Variants in MLLT10 observed in about 807,000 individuals in gnomAD.
MLLT10 encodes MLLT10 histone lysine methyltransferase DOT1L cofactor, also known as protein AF-10.
Under a neutral mutation model 129.1 loss-of-function variants are expected in MLLT10, and 30 were observed. The observed-to-expected ratio is 0.23, with a 90% CI of 0.17 to 0.32. The LOEUF (loss-of-function observed/expected upper bound fraction) is 0.32, where lower values mean the gene tolerates loss of function less well. Ranked by LOEUF, MLLT10 falls within the 10% of genes least tolerant of loss-of-function variation. The pLI is 1.00. For missense variants in MLLT10, 1,119 were observed against 1,268.3 expected, an observed-to-expected ratio of 0.88 and a Z score of 1.79; for synonymous variants, 490 against 446.4, an observed-to-expected ratio of 1.10 and a Z score of -1.23.
intron 22 of MLLT10, among the ~76,000 whole-genome samples, chr10:21,740,934 A>C (rs938971885): frequency 6.6e-6 from 1 of 152,208 alleles, no homozygotes; most frequent in Admixed American, 6.5e-5. Context: ...GAGGAAGGCT[A>C]TGGGGATGTA....
chr10:21,614,655 G>A (rs1311991720), intron 6 of MLLT10, among the ~76,000 whole-genome samples, 176 bp from the exon 7 acceptor site: 3 of 152,112 alleles, frequency 2.0e-5, no homozygotes, highest in African/African-American at 7.2e-5. Context: ...TCAGTTGCAG[G>A]TTGGGGTGAA....
intron 13 of MLLT10, among the ~76,000 whole-genome samples, chr10:21,704,194 A>G (rs944935523): frequency 2.0e-5 from 3 of 148,970 alleles, no homozygotes; most frequent in Non-Finnish European, 3.0e-5. Context: ...ATTTTTGTAG[A>G]GATGAGGTTT....
chr10:21,539,114 T>G, intron 3 of MLLT10: 1 of 473,580 alleles, frequency 2.1e-6, no homozygotes, highest in Non-Finnish European at 3.7e-6. Context: ...GAGTATATTT[T>G]GGATACTTTG....
Position 21,738,621 on chromosome 10 carries a change from T to A in MLLT10, c.2956-1409T>A, listed in dbSNP as rs1463904935. 13 of 1,160,764 alleles carry A rather than the reference T, an allele frequency of 1.1e-5. No homozygotes were observed. The African/African-American group carries it at 1.8e-4, about 16-fold the overall frequency. The allele number at this position is 1,160,764 out of a possible 1,614,324, so 71.9% of individuals were successfully genotyped here. A position where few individuals can be genotyped will look rare whatever the true frequency, so the allele number is the denominator to read the frequency against. On this transcript the variant is annotated intron_variant, in intron 21 of 22. Coordinates refer to ENST00000307729, the MANE Select transcript of MLLT10 (RefSeq NM_001195626.3). Reference sequence around the variant, plus strand: ...CTCGACACTCTTGCTTGACTCTGCTTCCCCCAGATGACTTGCATGTTTGCT... The same window carrying A: ...CTCGACACTCTTGCTTGACTCTGCTACCCCCAGATGACTTGCATGTTTGCT...
intron 8 of MLLT10, among the ~76,000 whole-genome samples, chr10:21,639,355 T>A (rs750460901): frequency 1.3e-5 from 2 of 152,182 alleles, no homozygotes; most frequent in African/African-American, 2.4e-5. Context: ...GCCTCACTTT[T>A]GATGCTGATT....
chr10:21,721,307 G>C (rs2057115446), intron 14 of MLLT10, among the ~76,000 whole-genome samples: 1 of 152,060 alleles, frequency 6.6e-6, no homozygotes, highest in South Asian at 2.1e-4. Flanking sequence ...GCTTTCCAAA[G>C]GTGAAATATT....
chr10:21,621,319 A>G (rs2045828304), intron 8 of MLLT10, among the ~76,000 whole-genome samples: 1 of 135,912 alleles, frequency 7.4e-6, no homozygotes, highest in African/African-American at 2.8e-5. Context: ...ATCTGGGCTT[A>G]CTGCAAGCTC....
At chr10:21,637,256 C>T (rs2047547945) in intron 8 of MLLT10, among the ~76,000 whole-genome samples, 1 of 152,168 alleles carries the variant, frequency 6.6e-6, no homozygotes, top group Non-Finnish European at 1.5e-5. Flanking sequence ...GCTTCCAACA[C>T]AGTGTGTGGG....
chr10:21,551,452 A>T (rs2037023842), intron 3 of MLLT10, among the ~76,000 whole-genome samples: 1 of 151,708 alleles, frequency 6.6e-6, no homozygotes, highest in Admixed American at 6.6e-5. Context: ...TTCATTTTAA[A>T]TTCAGCATAA....
At chr10:21,683,678 A>G (rs943368110) in intron 13 of MLLT10, among the ~76,000 whole-genome samples, 5 of 151,806 alleles carry the variant, frequency 3.3e-5, no homozygotes, top group Admixed American at 1.3e-4. Context: ...AAATTTGTAC[A>G]GTATTTTCTC....
At chr10:21,557,972 C>CA (rs2038278273) in intron 3 of MLLT10, 1 of 108,420 alleles carries the variant, frequency 9.2e-6, no homozygotes, top group Admixed American at 1.3e-4. Context: ...TTTTTGGAGA[C>CA]AGAGTCTCGC....
At chr10:21,737,070 A>G (rs188812079) in intron 21 of MLLT10, among the ~76,000 whole-genome samples, 71 of 103,402 alleles carry the variant, frequency 6.9e-4, no homozygotes, top group Admixed American at 1.8e-3. Context: ...TAGGGTAAGA[A>G]AGAATTGACC....
intron 4 of MLLT10, among the ~76,000 whole-genome samples, chr10:21,590,601 A>G (rs1173275648): frequency 6.6e-6 from 1 of 152,136 alleles, no homozygotes; most frequent in African/African-American, 2.4e-5. Flanking sequence ...GGCCTCCCAG[A>G]GTGCTAGGAT....
In MLLT10 at chr10:21,736,694, A is replaced by G. The variant is rs192528997; in HGVS notation, c.2955+1459A>G. On this transcript the variant is annotated intron_variant, in intron 21 of 22. Transcript: ENST00000307729. ...CTGAGATGTGGGAGAACAGAACCCAACCAATTTTGGAGAGAAAAATAGGTG... is the reference window on the plus strand; with the variant it reads ...CTGAGATGTGGGAGAACAGAACCCAGCCAATTTTGGAGAGAAAAATAGGTG... Among the ~76,000 whole-genome samples the G allele has an allele frequency of 1.3e-4, 20 of 152,284 alleles. No individual in the cohort carries two copies. The East Asian group carries it at 3.7e-3, about 28-fold the overall frequency.
intron 3 of MLLT10, among the ~76,000 whole-genome samples, chr10:21,539,466 T>C (rs2034692141): frequency 1.3e-5 from 2 of 151,160 alleles, no homozygotes; most frequent in African/African-American, 2.4e-5. Context: ...AGAACTTTTC[T>C]AAACCTCTTA....
At chr10:21,731,214 A>G (rs182187962) in intron 17 of MLLT10, among the ~76,000 whole-genome samples, 160 bp downstream of exon 17, 4 of 152,316 alleles carry the variant, frequency 2.6e-5, no homozygotes, top group African/African-American at 9.6e-5. Flanking sequence ...GTGGTTTAAT[A>G]GAAGAGATTC....
intron 3 of MLLT10, among the ~76,000 whole-genome samples, chr10:21,571,504 C>T (rs922798576): frequency 6.6e-6 from 1 of 152,198 alleles, no homozygotes; most frequent in South Asian, 2.1e-4. Flanking sequence ...CACGTGCGGC[C>T]CATTTGTTTT....
At chr10:21,579,144 G>A (rs762898800) in intron 3 of MLLT10, among the ~76,000 whole-genome samples, 25 of 152,012 alleles carry the variant, frequency 1.6e-4, no homozygotes, top group Non-Finnish European at 3.4e-4. Context: ...CTGTGTTGAC[G>A]GTGCTTTATC....
At chr10:21,592,098 A>G (rs924741554) in intron 4 of MLLT10, among the ~76,000 whole-genome samples, 4 of 152,188 alleles carry the variant, frequency 2.6e-5, no homozygotes, top group Non-Finnish European at 5.9e-5. Flanking sequence ...AGTCTTTGTT[A>G]TAGTTTTATA....
Sources: allele counts gnomAD v4.1 joint callset (sites outside exome capture counted in the v4.1 genomes callset), GRCh38; gene constraint gnomAD v4.1.1; transcripts MANE v1.5; gene names NCBI Gene and HGNC (gene_info 2026-07-23, HGNC 2026-07-21).